JPH3: variants seen among roughly 807,000 people sequenced by gnomAD.
JPH3 encodes the protein junctophilin 3, also known as junctophilin-3.
In JPH3, 11 loss-of-function variants were observed where a neutral mutation model predicts 59.6. The ratio of observed to expected loss-of-function variants is 0.18; its 90% confidence interval spans 0.12 to 0.31. The LOEUF is 0.31. Ranked by LOEUF, JPH3 falls within the 10% of genes least tolerant of loss-of-function variation. The probability of loss-of-function intolerance (pLI) is 1.00; values close to 1 mark genes in which losing one functional copy is unlikely to be tolerated. For synonymous variants in JPH3, 673 were observed against 483.6 expected, an observed-to-expected ratio of 1.39 and a Z score of -5.14; for missense variants, 1,202 against 1,105.7, an observed-to-expected ratio of 1.09 and a Z score of -1.24.
At chr16:87,689,383 G>A (rs1430691945) in intron 3 of JPH3, among the ~76,000 whole-genome samples, 4 of 152,174 alleles carry the variant, frequency 2.6e-5, no homozygotes, top group Non-Finnish European at 5.9e-5. Context: ...CTTGTAGCCT[G>A]GGAGCTGCTG....
intron 1 of JPH3, among the ~76,000 whole-genome samples, chr16:87,635,500 G>T (rs1298242331): frequency 6.6e-6 from 1 of 152,200 alleles, no homozygotes; most frequent in Non-Finnish European, 1.5e-5. Flanking sequence ...CTGGCTTTCG[G>T]ACCCAGACAA....
chr16:87,659,472 C>G (rs772533568), intron 2 of JPH3, among the ~76,000 whole-genome samples: 2 of 151,470 alleles, frequency 1.3e-5, no homozygotes, highest in Non-Finnish European at 2.9e-5. Context: ...GCCTATAATC[C>G]CAGCACTGGG....
chr16:87,605,170 C>T (rs1273362809), intron 1 of JPH3, among the ~76,000 whole-genome samples: 3 of 152,210 alleles, frequency 2.0e-5, no homozygotes, highest in Non-Finnish European at 4.4e-5. Context: ...GAGCCTGCTC[C>T]AGGAGGACTG....
At chr16:87,659,259 C>G (rs2032616018) in intron 2 of JPH3, among the ~76,000 whole-genome samples, 2 of 151,894 alleles carry the variant, frequency 1.3e-5, no homozygotes, top group Admixed American at 6.6e-5. Flanking sequence ...CACCTGTAAT[C>G]CCAGCTACTC....
intron 2 of JPH3, among the ~76,000 whole-genome samples, chr16:87,663,367 C>G (rs1220455110): frequency 6.6e-6 from 1 of 152,206 alleles, no homozygotes; most frequent in Non-Finnish European, 1.5e-5. Flanking sequence ...CTTGGCCTCC[C>G]AAACTACTGG....
intron 4 of JPH3, chr16:87,694,448 C>T (rs1007398948): frequency 3.3e-5 from 5 of 152,220 alleles, no homozygotes; most frequent in East Asian, 3.9e-4. Flanking sequence ...TTCGCTGCCG[C>T]GGGATGTGGC....
At chr16:87,695,527 C>G in intron 4 of JPH3, 1 of 451,550 alleles carries the variant, frequency 2.2e-6, no homozygotes, top group Non-Finnish European at 4.5e-6. Context: ...AGATGCAGGG[C>G]GTGGTGGGGG....
rs549554709 is a variant in JPH3 at position 87,689,627 on chromosome 16, G to A, written c.1286-19G>A. On this transcript the variant is annotated intron_variant, in intron 3 of 4. Transcript: ENST00000284262. ...GTGCTGGGTAACGCCGTCTGGCGTCGTCTTGTGTCCCCATACAGGGCTGGA... is the reference window on the plus strand; with the variant it reads ...GTGCTGGGTAACGCCGTCTGGCGTCATCTTGTGTCCCCATACAGGGCTGGA... The A allele has an allele frequency of 8.7e-6, 14 of 1,609,138 alleles. No homozygotes were observed. In the South Asian group the frequency reaches 1.4e-4, roughly 17 times the overall value.
chr16:87,658,038 G>T (rs1110599), intron 2 of JPH3, among the ~76,000 whole-genome samples: 65,574 of 151,952 alleles, frequency 0.43, 14,630 homozygotes, highest in East Asian at 0.66. Context: ...GGGACTGGGG[G>T]CCCACACCCT....
chr16:87,639,389 C>T (rs1360960004), intron 1 of JPH3, among the ~76,000 whole-genome samples: 2 of 152,200 alleles, frequency 1.3e-5, no homozygotes, highest in Admixed American at 1.3e-4. Context: ...CTGCATGAAG[C>T]TCCTGGTGGG....
At chr16:87,617,743 A>G (rs1170148834) in intron 1 of JPH3, among the ~76,000 whole-genome samples, 1 of 151,856 alleles carries the variant, frequency 6.6e-6, no homozygotes, top group Non-Finnish European at 1.5e-5. Flanking sequence ...AGGAGCTGAG[A>G]GTCACCTGTG....
Position 87,614,172 on chromosome 16 carries a change from A to G in JPH3, c.382+10644A>G, listed in dbSNP as rs28529208. 1.4e-4 allele frequency among the ~76,000 whole-genome samples: 21 copies of G among 151,516 alleles called. No homozygotes were observed. The South Asian group carries it at 2.7e-3, about 20-fold the overall frequency. ...GCTGCGTGACCCCTCCCAGGATAAA[A>G]GCAGGTCCCTGCAGATACGAGGAGC... On this transcript the variant is annotated intron_variant, in intron 1 of 4. Coordinates refer to ENST00000284262, the MANE Select transcript of JPH3 (RefSeq NM_020655.4).
At chr16:87,619,262 A>C (rs923333378) in intron 1 of JPH3, among the ~76,000 whole-genome samples, 8 of 150,648 alleles carry the variant, frequency 5.3e-5, no homozygotes, top group African/African-American at 2.0e-4. Flanking sequence ...GCCGTGAGCT[A>C]TGATCACGCC....
intron 2 of JPH3, among the ~76,000 whole-genome samples, chr16:87,662,003 G>A (rs4843664): frequency 0.33 from 50,322 of 152,090 alleles, 9,146 homozygotes; most frequent in African/African-American, 0.46. Flanking sequence ...GTTAATTCAG[G>A]CGGCTATGCA....
At chr16:87,672,302 C>T (rs531162184) in intron 2 of JPH3, among the ~76,000 whole-genome samples, 51 of 152,316 alleles carry the variant, frequency 3.3e-4, no homozygotes, top group African/African-American at 9.9e-4. Flanking sequence ...TCCATCCCTC[C>T]CTACTCCCAG....
intron 3 of JPH3, chr16:87,684,620 G>A (rs2033373148): frequency 3.8e-6 from 1 of 265,566 alleles, no homozygotes; most frequent in African/African-American, 2.2e-5. Context: ...CTGGGATGAT[G>A]GAACTATCTG....
chr16:87,664,621 G>A (rs4843254), intron 2 of JPH3, among the ~76,000 whole-genome samples: 25,692 of 152,142 alleles, frequency 0.17, 2,638 homozygotes, highest in South Asian at 0.35. Context: ...GTGAAACTCC[G>A]TCGCAAAAAA....
intron 1 of JPH3, among the ~76,000 whole-genome samples, chr16:87,622,062 C>A (rs35550013): frequency 6.6e-6 from 1 of 151,962 alleles, no homozygotes; most frequent in East Asian, 1.9e-4. Context: ...TTATATCCAA[C>A]AGAAGAACGA....
intron 1 of JPH3, among the ~76,000 whole-genome samples, chr16:87,639,685 C>G (rs984123427): frequency 1.3e-4 from 20 of 152,088 alleles, no homozygotes; most frequent in African/African-American, 4.6e-4. Context: ...CCCTCCTGGC[C>G]CCTCGCACCC....
Sources: gnomAD v4.1 joint callset for allele counts (sites outside exome capture counted in the v4.1 genomes callset) on GRCh38, gnomAD v4.1.1 for gene constraint, MANE v1.5 for transcripts, NCBI Gene and HGNC (gene_info 2026-07-23, HGNC 2026-07-21) for gene names.